The following FER variants were observed in gnomAD, a reference collection of about 807,000 sequenced individuals.
FER encodes the protein FER tyrosine kinase.
A neutral mutation model predicts 111.0 loss-of-function variants in FER; 63 were observed. The ratio of observed to expected loss-of-function variants is 0.57; its 90% CI spans 0.46 to 0.70. The LOEUF is 0.70. Ranked by LOEUF, FER falls within the 30% of genes least tolerant of loss-of-function variation. The pLI is 0.00. For synonymous variants in FER, 327 were observed against 313.9 expected, an observed-to-expected ratio of 1.04 and a Z score of -0.44; for missense variants, 914 against 954.0, an observed-to-expected ratio of 0.96 and a Z score of 0.55.
At chr5:109,185,872 C>A (rs1394125152) in intron 18 of FER, among the ~76,000 whole-genome samples, 1 of 152,172 alleles carries the variant, frequency 6.6e-6, no homozygotes, top group African/African-American at 2.4e-5. Context: ...GGTATACTTA[C>A]AGAAACCAAG....
At chr5:108,941,105 G>T (rs1384375232) in intron 10 of FER, among the ~76,000 whole-genome samples, 3 of 152,104 alleles carry the variant, frequency 2.0e-5, no homozygotes, top group Non-Finnish European at 4.4e-5. Context: ...AAAGCTGGTG[G>T]ATCAGCTTTG....
intron 10 of FER, among the ~76,000 whole-genome samples, chr5:108,918,909 G>A (rs1477630433): frequency 1.3e-5 from 2 of 152,170 alleles, no homozygotes; most frequent in South Asian, 2.1e-4. Context: ...GAGAGTTCTC[G>A]ATTGCAGATA....
At chr5:108,787,987 G>A (rs1277032238) in intron 2 of FER, among the ~76,000 whole-genome samples, 3 of 152,146 alleles carry the variant, frequency 2.0e-5, no homozygotes, top group African/African-American at 7.2e-5. Context: ...GCTGTAACAC[G>A]AGCACAGTAG....
At chr5:109,180,050 A>G (rs944562347) in intron 17 of FER, among the ~76,000 whole-genome samples, 2 of 152,222 alleles carry the variant, frequency 1.3e-5, no homozygotes, top group Non-Finnish European at 2.9e-5. Flanking sequence ...CAAAGGGTAT[A>G]CAGTGCAAAC....
intron 9 of FER, among the ~76,000 whole-genome samples, chr5:108,892,130 G>A (rs963083400): frequency 6.6e-5 from 10 of 152,100 alleles, no homozygotes; most frequent in African/African-American, 2.2e-4. Flanking sequence ...AAACATACGT[G>A]TGCATGTGTC....
chr5:108,770,624 C>A (rs1015073521), intron 2 of FER, among the ~76,000 whole-genome samples: 2 of 151,340 alleles, frequency 1.3e-5, no homozygotes, highest in African/African-American at 4.8e-5. Flanking sequence ...CATCCTCCCA[C>A]CTCAGTCTCC....
At chr5:108,883,003 T>A (rs1387964021) in intron 8 of FER, among the ~76,000 whole-genome samples, 1 of 152,004 alleles carries the variant, frequency 6.6e-6, no homozygotes, top group Non-Finnish European at 1.5e-5. Context: ...CTCATAAGAT[T>A]GTTGTGAAGA....
intron 17 of FER, among the ~76,000 whole-genome samples, chr5:109,158,033 G>A (rs1339956614): frequency 6.6e-6 from 1 of 151,872 alleles, no homozygotes; most frequent in East Asian, 1.9e-4. Flanking sequence ...AGATGAAGAA[G>A]GGAGAGAGCT....
At chr5:108,774,692 CT>C (rs952613706) in intron 2 of FER, among the ~76,000 whole-genome samples, 1 of 150,990 alleles carries the variant, frequency 6.6e-6, no homozygotes. Context: ...ACATAAATGT[CT>C]TTTTTTGAGA....
intron 10 of FER, among the ~76,000 whole-genome samples, chr5:108,928,927 A>G (rs1754172841): frequency 6.6e-6 from 1 of 152,110 alleles, no homozygotes; most frequent in Non-Finnish European, 1.5e-5. Flanking sequence ...TAAGCCTTGG[A>G]GTCTTTATAG....
intron 16 of FER, among the ~76,000 whole-genome samples, chr5:109,048,705 C>G (rs774067031): frequency 6.6e-6 from 1 of 152,122 alleles, no homozygotes; most frequent in African/African-American, 2.4e-5. Context: ...AAACCTTCTA[C>G]TCAACAGTCT....
intron 10 of FER, among the ~76,000 whole-genome samples, chr5:108,920,653 A>G (rs1473274480): frequency 6.6e-6 from 1 of 152,176 alleles, no homozygotes; most frequent in East Asian, 1.9e-4. Context: ...TCTTGATAAC[A>G]TTTCCATTGT....
intron 2 of FER, among the ~76,000 whole-genome samples, chr5:108,783,487 G>T (rs1463042163): frequency 1.3e-5 from 2 of 152,078 alleles, no homozygotes; most frequent in Non-Finnish European, 2.9e-5. Context: ...TTCAAGTTAT[G>T]ATTTTTCTTG....
intron 5 of FER, among the ~76,000 whole-genome samples, chr5:108,865,192 G>A: frequency 6.6e-6 from 1 of 152,112 alleles, no homozygotes; most frequent in Admixed American, 6.5e-5. Flanking sequence ...TGTGATTTTT[G>A]CACATTGATT....
At chr5:108,785,549 G>C (rs1580513781) in intron 2 of FER, 1 of 528,398 alleles carries the variant, frequency 1.9e-6, no homozygotes, top group South Asian at 1.5e-5. Flanking sequence ...ATGGGCACCT[G>C]CTAGAAGTTT....
At chr5:109,186,545 T>C (rs1758888482) in intron 19 of FER, among the ~76,000 whole-genome samples, 1 of 152,200 alleles carries the variant, frequency 6.6e-6, no homozygotes. Flanking sequence ...TCTTCCACCC[T>C]TTCCCTGTCT....
intron 17 of FER, chr5:109,177,513 A>G (rs1044723698): frequency 2.0e-5 from 3 of 152,092 alleles, no homozygotes. Flanking sequence ...TTCCTGGCTT[A>G]CTGTACGATT....
intron 8 of FER, among the ~76,000 whole-genome samples, chr5:108,876,759 A>T (rs536617905): frequency 6.6e-6 from 1 of 152,196 alleles, no homozygotes; most frequent in African/African-American, 2.4e-5. Context: ...TTAAAATTTT[A>T]TTAAATATCT....
chr5:108,791,932 A>G (rs976385136), intron 2 of FER, among the ~76,000 whole-genome samples: 3 of 152,194 alleles, frequency 2.0e-5, no homozygotes, highest in Non-Finnish European at 4.4e-5. Flanking sequence ...CAGTTGTTGA[A>G]AAGACTTTTC....
Sources: gnomAD v4.1 joint callset for allele counts (sites outside exome capture counted in the v4.1 genomes callset) on GRCh38, gnomAD v4.1.1 for gene constraint, MANE v1.5 for transcripts, NCBI Gene and HGNC (gene_info 2026-07-23, HGNC 2026-07-21) for gene names.